The following NRG4 variants were observed in gnomAD, a reference collection of about 807,000 sequenced individuals.
The protein encoded by NRG4 is neuregulin 4, also known as pro-neuregulin-4, membrane-bound isoform.
A neutral mutation model predicts 15.0 loss-of-function variants in NRG4; 10 were observed. The observed-to-expected ratio is 0.67, with a 90% CI of 0.41 to 1.13. The LOEUF is 1.13. Among genes scored for constraint, NRG4 ranks in the 50% most tolerant of loss-of-function variants. The probability of loss-of-function intolerance (pLI) is 0.00; values close to 1 mark genes in which losing one functional copy is unlikely to be tolerated. For synonymous variants in NRG4, 41 were observed against 50.1 expected (o/e 0.82, Z 0.77); for missense variants, 139 against 140.2 (o/e 0.99, Z 0.04).
At chr15:76,056,186 G>A (rs1352271917) in intron 2 of NRG4, among the ~76,000 whole-genome samples, 3 of 152,124 alleles carry the variant, frequency 2.0e-5, no homozygotes, top group Non-Finnish European at 2.9e-5. Context: ...AGTGGCTCAC[G>A]CCTGTAATCC....
intron 5 of NRG4, among the ~76,000 whole-genome samples, chr15:76,021,282 A>G (rs1444848068): frequency 6.6e-6 from 1 of 152,246 alleles, no homozygotes; most frequent in Admixed American, 6.5e-5. Context: ...CTCCCCCAGC[A>G]AAAACATTAC....
chr15:75,989,467 T>C (rs1393369289), intron 3 of NRG4, among the ~76,000 whole-genome samples: 1 of 152,124 alleles, frequency 6.6e-6, no homozygotes, highest in Non-Finnish European at 1.5e-5. Flanking sequence ...TGAGATACCT[T>C]AACACATACA....
intron 3 of NRG4, among the ~76,000 whole-genome samples, chr15:75,988,433 C>T (rs1211928341): frequency 6.6e-6 from 1 of 152,138 alleles, no homozygotes; most frequent in Non-Finnish European, 1.5e-5. Context: ...ATGATCTGCC[C>T]ACTTCGGCCT....
At position 75,941,918 on chromosome 15, in the gene NRG4, C is replaced by A. The variant is rs1182967684; in HGVS notation, c.*1720G>T. 1 of 123,190 alleles carries A rather than the reference C, an allele frequency of 8.1e-6. No individual in the cohort carries two copies. The highest frequency in any genetic ancestry group is 3.1e-5 in the African/African-American group (1 of 32,536). The allele number at this position is 123,190 out of a possible 1,614,324, so 7.6% of individuals were successfully genotyped here. A position where few individuals can be genotyped will look rare whatever the true frequency, so the allele number is the denominator to read the frequency against. ...AAATTTAAATCTTACGTACATTTTG[C>A]CACAGTAAATTTTTAAACCACCAAA... On this transcript the variant is annotated 3_prime_UTR_variant, in exon 6 of 6. Coordinates refer to ENST00000394907, the MANE Select transcript of NRG4 (RefSeq NM_138573.4).
rs538236759 is a variant in NRG4, at chr15:75,987,442, T to C, written c.104+21758A>G. ...GGCATTACAGATGTGAATGTTGAAA[T>C]CATACCTCCAATGTGATGGTATTAT... On this transcript the variant is annotated intron_variant, in intron 3 of 5. Coordinates refer to ENST00000394907, the MANE Select transcript of NRG4 (RefSeq NM_138573.4). Among the ~76,000 whole-genome samples, 4 of 152,288 alleles carry C rather than the reference T, an allele frequency of 2.6e-5. No homozygotes were observed. The South Asian group carries it at 8.3e-4, about 32-fold the overall frequency.
At chr15:76,036,396 A>G (rs759814742) in intron 4 of NRG4, among the ~76,000 whole-genome samples, 9 of 152,218 alleles carry the variant, frequency 5.9e-5, no homozygotes, top group Non-Finnish European at 1.2e-4. Context: ...GTCACCAACC[A>G]TTCAAAGTAT....
At chr15:75,976,415 C>T (rs1386838459) in intron 3 of NRG4, among the ~76,000 whole-genome samples, 2 of 152,136 alleles carry the variant, frequency 1.3e-5, no homozygotes, top group African/African-American at 4.8e-5. Flanking sequence ...GGAGAAGAGG[C>T]GTTCTGGCTT....
chr15:76,013,399 G>A (rs1190845470), upstream of NRG4, among the ~76,000 whole-genome samples: 8 of 152,146 alleles, frequency 5.3e-5, no homozygotes, highest in Admixed American at 1.3e-4. Flanking sequence ...TGCAGAATAT[G>A]CAGGTTTGTT....
intron 5 of NRG4, among the ~76,000 whole-genome samples, chr15:76,033,200 G>C (rs1391992892): frequency 6.6e-6 from 1 of 152,206 alleles, no homozygotes; most frequent in East Asian, 1.9e-4. Context: ...CATGTGAATT[G>C]AATCAGCCTA....
intron 3 of NRG4, among the ~76,000 whole-genome samples, chr15:75,991,311 A>G (rs561620814): frequency 6.6e-6 from 1 of 152,264 alleles, no homozygotes; most frequent in South Asian, 2.1e-4. Flanking sequence ...ATAAACACTG[A>G]AATTTGAATT....
Position 75,977,828 on chromosome 15 carries a change from A to AT in NRG4, c.105-15855dup, listed in dbSNP as rs1295850485. Reference sequence around the variant, plus strand: ...TCTTCCAGCTTTTTATTTTTATTTTATTTTTTTAAATGGAGTCTCACTCTG... The same window carrying AT: ...TCTTCCAGCTTTTTATTTTTATTTTATTTTTTTTAAATGGAGTCTCACTCTG... On this transcript the variant is annotated intron_variant, in intron 3 of 5. Transcript: ENST00000394907. The surrounding 1 kb of genome is among the most constrained non-coding windows in gnomAD (Gnocchi z 4.9). Among the ~76,000 whole-genome samples the AT allele has an allele frequency of 6.6e-6, 1 of 151,446 alleles. No homozygotes were observed.
Position 75,981,020 on chromosome 15 carries a change from T to C in NRG4, c.105-19046A>G, listed in dbSNP as rs140820437. Among the ~76,000 whole-genome samples, 791 of 152,240 alleles carry C rather than the reference T, an allele frequency of 5.2e-3. 6 individuals carry two copies. Among genetic ancestry groups the C allele is most frequent in the African/African-American group, 0.017 (715 of 41,556 alleles). On this transcript the variant is annotated intron_variant, in intron 3 of 5. Coordinates refer to ENST00000394907, the MANE Select transcript of NRG4 (RefSeq NM_138573.4). Reference sequence around the variant, plus strand: ...CTCAGTAAAATGAAATGAAATGAACTTGAGAGAAAGCACATTTGGTGAATT... The same window carrying C: ...CTCAGTAAAATGAAATGAAATGAACCTGAGAGAAAGCACATTTGGTGAATT...
In NRG4 at chr15:76,007,788, C is replaced by T. The variant is rs141663108; in HGVS notation, c.104+1412G>A. ...ATTTTAAACATTCTACGTGCCATATCACCTTAGAAAGAATCCAGTATGAAT... is the reference window on the plus strand; with the variant it reads ...ATTTTAAACATTCTACGTGCCATATTACCTTAGAAAGAATCCAGTATGAAT... On this transcript the variant is annotated intron_variant, in intron 3 of 5. Transcript: ENST00000394907. Among the ~76,000 whole-genome samples the T allele has an allele frequency of 5.4e-3, 827 of 152,274 alleles. 12 individuals are homozygous for T. Among genetic ancestry groups the T allele is most frequent in the African/African-American group, 0.019 (784 of 41,556 alleles).
intron 3 of NRG4, among the ~76,000 whole-genome samples, chr15:75,992,035 T>A (rs963140139): frequency 2.0e-5 from 3 of 152,156 alleles, no homozygotes; most frequent in African/African-American, 7.2e-5. Flanking sequence ...TTTTTAGTGG[T>A]TATTCTAGGC....
chr15:76,014,218 A>C (rs1378095623), upstream of NRG4, among the ~76,000 whole-genome samples: 1 of 152,068 alleles, frequency 6.6e-6, no homozygotes, highest in Non-Finnish European at 1.5e-5. Flanking sequence ...AATTTGTTTA[A>C]GTTCCTTGTA....
intron 5 of NRG4, among the ~76,000 whole-genome samples, chr15:76,018,737 G>A (rs2035062023): frequency 6.6e-6 from 1 of 152,148 alleles, no homozygotes; most frequent in Admixed American, 6.5e-5. Flanking sequence ...GATGCCGGCT[G>A]GAGCTCTCCT....
chr15:76,029,507 A>G (rs1488154416), intron 5 of NRG4, among the ~76,000 whole-genome samples: 1 of 152,208 alleles, frequency 6.6e-6, no homozygotes, highest in Non-Finnish European at 1.5e-5. Context: ...TGCAGATGAC[A>G]TGATCTTCTA....
intron 1 of NRG4, among the ~76,000 whole-genome samples, chr15:76,057,809 T>G (rs1455642983): frequency 6.6e-6 from 1 of 150,860 alleles, no homozygotes; most frequent in Non-Finnish European, 1.5e-5. Flanking sequence ...GGCTATTATA[T>G]TATAAATACA....
intron 5 of NRG4, among the ~76,000 whole-genome samples, chr15:76,034,586 T>G (rs2035556278): frequency 1.3e-5 from 2 of 151,934 alleles, no homozygotes; most frequent in South Asian, 4.2e-4. Flanking sequence ...TTTTATTTGC[T>G]TCACATCAAC....
Sources: gnomAD v4.1 joint callset for allele counts (sites outside exome capture counted in the v4.1 genomes callset) on GRCh38, gnomAD v4.1.1 for gene constraint, Gnocchi (gnomAD v3.1) non-coding constraint, MANE v1.5 for transcripts, NCBI Gene and HGNC (gene_info 2026-07-23, HGNC 2026-07-21) for gene names.